The following ARHGEF10 variants were observed in gnomAD, a reference collection of about 807,000 sequenced individuals.
ARHGEF10 encodes the protein Rho guanine nucleotide exchange factor (GEF) 10.
ARHGEF10 carries 140 observed loss-of-function variants against 147.4 expected under a neutral mutation model. The observed-to-expected ratio is 0.95, with a 90% CI of 0.83 to 1.09. The LOEUF is 1.09. Ranked by LOEUF, ARHGEF10 falls within the 50% of genes least tolerant of loss-of-function variation. The pLI, the probability that ARHGEF10 is intolerant of heterozygous loss-of-function variation, is 0.00. For missense variants in ARHGEF10, 2,222 were observed against 1,752.7 expected, an observed-to-expected ratio of 1.27 and a Z score of -4.78; for synonymous variants, 902 against 695.8, an observed-to-expected ratio of 1.30 and a Z score of -4.67.
intron 12 of ARHGEF10, 122 bp downstream of exon 12, chr8:1,893,768 T>G (rs1585431075): frequency 2.7e-6 from 2 of 738,228 alleles, no homozygotes; most frequent in East Asian, 5.4e-5. Flanking sequence ...ATTTGCAAAA[T>G]TCTCAAAAGG....
At chr8:1,891,263 A>T (rs1451413675) in intron 11 of ARHGEF10, among the ~76,000 whole-genome samples, 1 of 152,062 alleles carries the variant, frequency 6.6e-6, no homozygotes, top group East Asian at 1.9e-4. Context: ...CCTCCTGCCA[A>T]ATGTGTTGTC....
At chr8:1,832,787 GAGAGACAGAGGC>G (rs1284634968) in intron 1 of ARHGEF10, among the ~76,000 whole-genome samples, 1 of 37,972 alleles carries the variant, frequency 2.6e-5, no homozygotes, top group Non-Finnish European at 5.7e-5. Flanking sequence ...CAGAGACAGA[GAGAGACAGAGGC>G]AGAGGCAGAG....
chr8:1,949,640 C>T (rs377740827), intron 27 of ARHGEF10, among the ~76,000 whole-genome samples: 73 of 151,938 alleles, frequency 4.8e-4, no homozygotes, highest in African/African-American at 1.7e-3. Flanking sequence ...AACTATGTGA[C>T]CAAATAAAAT....
intron 10 of ARHGEF10, 108 bp downstream of exon 10, chr8:1,882,857 C>G (rs548779636): frequency 1.1e-6 from 1 of 949,124 alleles, no homozygotes; most frequent in African/African-American, 1.6e-5. Flanking sequence ...CTCCCACAGC[C>G]TTAGGGAGCA....
chr8:1,922,510 T>G (rs571936977), intron 18 of ARHGEF10, among the ~76,000 whole-genome samples: 1 of 152,228 alleles, frequency 6.6e-6, no homozygotes, highest in Non-Finnish European at 1.5e-5. Context: ...AAGAGGAAGA[T>G]TGAGAAACTC....
intron 28 of ARHGEF10, among the ~76,000 whole-genome samples, chr8:1,956,279 C>G (rs937196690): frequency 2.0e-4 from 30 of 152,176 alleles, no homozygotes; most frequent in African/African-American, 6.3e-4. Flanking sequence ...TTAAATTGTT[C>G]TGAACCCCAG....
Position 1,889,956 on chromosome 8 carries a change from G to T in ARHGEF10, c.1183-3613G>T, listed in dbSNP as rs75312923. Among the ~76,000 whole-genome samples, 8 of 148,478 alleles carry T rather than the reference G, an allele frequency of 5.4e-5. No homozygotes were observed. The South Asian group carries it at 6.5e-4, about 12-fold the overall frequency. ...CGAGGGTTGTGAGGAGACACTGAGT[G>T]GGGGAGGGGTATGTGAGGAGACACT... On this transcript the variant is annotated intron_variant, in intron 11 of 28. Transcript: ENST00000349830.
At chr8:1,952,879 G>A (rs780714099) in intron 28 of ARHGEF10, 52 bp downstream of exon 28, 1 of 1,612,450 alleles carries the variant, frequency 6.2e-7, no homozygotes, top group Non-Finnish European at 8.5e-7. Flanking sequence ...CAGGCTCGTG[G>A]AGCATAGCAG....
chr8:1,860,719 C>A lies in ARHGEF10; in HGVS notation c.481+535C>A, dbSNP rs1806059718. Among the ~76,000 whole-genome samples, 9 of 152,292 alleles carry A rather than the reference C, an allele frequency of 5.9e-5. No homozygotes were observed. The South Asian group carries it at 1.9e-3, about 32-fold the overall frequency. ...GAACTTCACCCCGATCTCTGATTCCCCCACCAGCTGCTCACGGGAGTGTGT... is the reference window on the plus strand; with the variant it reads ...GAACTTCACCCCGATCTCTGATTCCACCACCAGCTGCTCACGGGAGTGTGT... On this transcript the variant is annotated intron_variant, in intron 4 of 28. Transcript: ENST00000349830.
intron 1 of ARHGEF10, chr8:1,826,086 C>T (rs551830162): frequency 1.2e-5 from 19 of 1,591,714 alleles, no homozygotes; most frequent in Middle Eastern, 1.7e-4. Context: ...TCGGCAGTTA[C>T]GGATGCATAA....
In ARHGEF10 at chr8:1,856,831, A is replaced by G. The variant is rs912822685; in HGVS notation, c.38-1129A>G. ...ATGGCAGCAGGAGGTTTCCTCAGGA[A>G]CGTGTGCTGGGAAGAAATCCCAGCC... On this transcript the variant is annotated intron_variant, in intron 2 of 28. Transcript: ENST00000349830. Among the ~76,000 whole-genome samples, 4 of 152,312 alleles carry G rather than the reference A, an allele frequency of 2.6e-5. No individual in the cohort carries two copies. In the East Asian group the frequency reaches 5.8e-4, roughly 22 times the overall value.
chr8:1,935,851 G>A (rs1813551439), intron 26 of ARHGEF10, among the ~76,000 whole-genome samples: 1 of 152,234 alleles, frequency 6.6e-6, no homozygotes, highest in Non-Finnish European at 1.5e-5. Context: ...AACTCTCCTT[G>A]TGGGTGTTCC....
chr8:1,866,700 T>C, intron 6 of ARHGEF10, 98 bp downstream of exon 6: 3 of 1,098,426 alleles, frequency 2.7e-6, no homozygotes, highest in Non-Finnish European at 4.1e-6. Flanking sequence ...CCATCAGATC[T>C]AAAACTCTAA....
chr8:1,888,113 A>C (rs1439120680), intron 11 of ARHGEF10, among the ~76,000 whole-genome samples: 1 of 107,526 alleles, frequency 9.3e-6, no homozygotes. Flanking sequence ...TTGAGGAGAC[A>C]CTTAGTGGGG....
intron 18 of ARHGEF10, among the ~76,000 whole-genome samples, 182 bp from the exon 19 acceptor site, chr8:1,922,782 C>T (rs1366786378): frequency 6.6e-6 from 1 of 152,122 alleles, no homozygotes; most frequent in Non-Finnish European, 1.5e-5. Context: ...AAAATTATTT[C>T]CAAATAAGTG....
intron 9 of ARHGEF10, among the ~76,000 whole-genome samples, chr8:1,880,785 A>C (rs1197632035): frequency 6.6e-6 from 1 of 152,206 alleles, no homozygotes; most frequent in Non-Finnish European, 1.5e-5. Flanking sequence ...TGGACCTTTT[A>C]TCCTGCTGGT....
chr8:1,847,549 C>CTCATTAT (rs1315475128), intron 2 of ARHGEF10, among the ~76,000 whole-genome samples: 3 of 152,062 alleles, frequency 2.0e-5, no homozygotes, highest in Admixed American at 1.3e-4. Context: ...CTCAGACAGA[C>CTCATTAT]GCCAGCACTC....
At chr8:1,868,721 A>G (rs1405046778) in intron 6 of ARHGEF10, among the ~76,000 whole-genome samples, 2 of 152,194 alleles carry the variant, frequency 1.3e-5, no homozygotes, top group African/African-American at 4.8e-5. Context: ...TTTCCATTGT[A>G]TCCAGCACTG....
chr8:1,897,987 G>A (rs1810146441), intron 14 of ARHGEF10, among the ~76,000 whole-genome samples: 1 of 152,134 alleles, frequency 6.6e-6, no homozygotes, highest in Admixed American at 6.5e-5. Flanking sequence ...ACTCCCCCCA[G>A]GTCAACATTG....
Sources: allele counts gnomAD v4.1 joint callset (sites outside exome capture counted in the v4.1 genomes callset), GRCh38; gene constraint gnomAD v4.1.1; transcripts MANE v1.5; gene names NCBI Gene and HGNC (gene_info 2026-07-23, HGNC 2026-07-21).